The following BFSP1 variants were observed in gnomAD, a reference collection of about 807,000 sequenced individuals.
BFSP1 encodes beaded filament structural protein 1.
BFSP1 carries 38 observed loss-of-function variants against 43.9 expected under a neutral mutation model. The ratio of observed to expected loss-of-function variants is 0.87; its 90% confidence interval spans 0.67 to 1.14. BFSP1 has a LOEUF of 1.14. Among genes scored for constraint, BFSP1 ranks in the 50% most tolerant of loss-of-function variants. The pLI is 0.00. For missense variants in BFSP1, 850 were observed against 875.1 expected, an observed-to-expected ratio of 0.97 and a Z score of 0.36; for synonymous variants, 352 against 354.8, an observed-to-expected ratio of 0.99 and a Z score of 0.09.
In BFSP1 at chr20:17,494,496, C is replaced by T; in HGVS notation, c.1576G>A (p.Val526Met). 1.9e-6 allele frequency: 3 copies of T among 1,614,210 alleles called. No individual in the cohort carries two copies. The highest frequency in any genetic ancestry group is 2.5e-6 in the Non-Finnish European group (3 of 1,180,034). ...SPKPPLENGQ[V>M]GLQEKEDGQP... Reference sequence around the variant, plus strand: ...CCATCTTCTTTCTCCTGCAGACCCACCTGCCCATTCTCTAAAGGGGGCTTG... The same window carrying T: ...CCATCTTCTTTCTCCTGCAGACCCATCTGCCCATTCTCTAAAGGGGGCTTG... Residue 526 changes from valine to methionine, a missense_variant, in exon 8 of 8, where the codon GTG (valine) becomes ATG (methionine). Coordinates refer to ENST00000377873, the MANE Select transcript of BFSP1 (RefSeq NM_001195.5).
At chr20:17,537,711 A>G (rs1313013969) in intron 1 of BFSP1, among the ~76,000 whole-genome samples, 3 of 152,180 alleles carry the variant, frequency 2.0e-5, no homozygotes, top group Non-Finnish European at 2.9e-5. Context: ...AATAAAATCT[A>G]TAAGGGACAT....
intron 1 of BFSP1, among the ~76,000 whole-genome samples, chr20:17,537,581 A>C (rs1013261341): frequency 3.2e-4 from 48 of 151,990 alleles, no homozygotes; most frequent in African/African-American, 1.0e-3. Flanking sequence ...AAAAAAAAAA[A>C]AAAAAAAACA....
chr20:17,534,059 T>C (rs2034591202), upstream of BFSP1, among the ~76,000 whole-genome samples: 1 of 152,102 alleles, frequency 6.6e-6, no homozygotes, highest in Non-Finnish European at 1.5e-5. Context: ...TTAGAAGGAG[T>C]GTGCAATATT....
chr20:17,519,381 C>T (rs1480028688), intron 2 of BFSP1, among the ~76,000 whole-genome samples: 2 of 152,194 alleles, frequency 1.3e-5, no homozygotes, highest in African/African-American at 2.4e-5. Flanking sequence ...CTGCCCTCTT[C>T]CCTCAGAGAC....
intron 6 of BFSP1, among the ~76,000 whole-genome samples, chr20:17,498,087 C>A (rs902845920): frequency 7.2e-5 from 11 of 152,160 alleles, no homozygotes; most frequent in African/African-American, 2.7e-4. Flanking sequence ...GAGCACCCAG[C>A]GCGAAGGGAA....
chr20:17,529,797 C>G (rs1201291323), intron 1 of BFSP1, among the ~76,000 whole-genome samples: 1 of 151,510 alleles, frequency 6.6e-6, no homozygotes, highest in Non-Finnish European at 1.5e-5. Context: ...TGCAGCCATG[C>G]CATTGCACAC....
At chr20:17,567,176 G>C (rs541451707) in intron 1 of BFSP1, among the ~76,000 whole-genome samples, 1 of 152,196 alleles carries the variant, frequency 6.6e-6, no homozygotes, top group Non-Finnish European at 1.5e-5. Context: ...GTTAAATGCA[G>C]AGGCTGAAGT....
intron 4 of BFSP1, 55 bp downstream of exon 4, chr20:17,511,921 T>G: frequency 6.7e-7 from 1 of 1,490,584 alleles, no homozygotes; most frequent in Non-Finnish European, 9.3e-7. Flanking sequence ...CCTGGGAGTC[T>G]CCAGGTACAG....
intron 5 of BFSP1, among the ~76,000 whole-genome samples, chr20:17,506,616 C>A (rs2033944801): frequency 6.6e-6 from 1 of 151,354 alleles, no homozygotes; most frequent in South Asian, 2.1e-4. Flanking sequence ...CTCAACCTCT[C>A]CAGGCTCAGG....
chr20:17,511,463 G>A (rs1269623510), intron 4 of BFSP1, among the ~76,000 whole-genome samples: 1 of 152,220 alleles, frequency 6.6e-6, no homozygotes, highest in Non-Finnish European at 1.5e-5. Flanking sequence ...AGAGGCTTGA[G>A]CAGATACTTC....
chr20:17,566,960 C>G (rs2035126834), intron 1 of BFSP1, among the ~76,000 whole-genome samples: 1 of 152,062 alleles, frequency 6.6e-6, no homozygotes, highest in Non-Finnish European at 1.5e-5. Flanking sequence ...CCTAGGACCT[C>G]TTTTATAAGG....
chr20:17,538,092 G>C (rs2034658991), intron 1 of BFSP1, among the ~76,000 whole-genome samples: 1 of 151,168 alleles, frequency 6.6e-6, no homozygotes, highest in Non-Finnish European at 1.5e-5. Context: ...CTGCACTCCA[G>C]CCTGGGTGAC....
At chr20:17,514,680 C>A in intron 3 of BFSP1, 41 bp downstream of exon 3, 1 of 1,589,010 alleles carries the variant, frequency 6.3e-7, no homozygotes. Context: ...CAAACCCAAA[C>A]TGGGTTTTCT....
chr20:17,514,164 G>C (rs936319072), intron 3 of BFSP1, among the ~76,000 whole-genome samples: 1 of 152,208 alleles, frequency 6.6e-6, no homozygotes, highest in Non-Finnish European at 1.5e-5. Flanking sequence ...AGGAGAGCCT[G>C]CATTTGCATT....
intron 1 of BFSP1, among the ~76,000 whole-genome samples, chr20:17,551,714 G>A (rs1486973925): frequency 3.3e-5 from 5 of 152,188 alleles, no homozygotes; most frequent in South Asian, 2.1e-4. Flanking sequence ...TGGGTGTGAC[G>A]GCTCACACCT....
At chr20:17,499,402 GC>G (rs994146924) in intron 5 of BFSP1, among the ~76,000 whole-genome samples, 8 of 129,686 alleles carry the variant, frequency 6.2e-5, no homozygotes, top group African/African-American at 2.2e-4. Context: ...AACATGCTGG[GC>G]TTTTTTTTTT....
In BFSP1 at chr20:17,557,796, C is replaced by G. The variant is rs756181351; in HGVS notation, c.2+892G>C. ...TCTAAAGAACACTGCTTGTGAGTCACGCTGCTCTGTTAATAAACCTGTTAT... is the reference window on the plus strand; with the variant it reads ...TCTAAAGAACACTGCTTGTGAGTCAGGCTGCTCTGTTAATAAACCTGTTAT... On this transcript the variant is annotated intron_variant, in intron 1 of 7. Transcript: ENST00000377868. 2.1e-3 allele frequency among the ~76,000 whole-genome samples: 324 copies of G among 152,238 alleles called. 1 individual carries two copies. The highest frequency in any genetic ancestry group is 3.6e-3 in the Non-Finnish European group (247 of 68,014).
chr20:17,544,797 C>A (rs2034773885), intron 1 of BFSP1, among the ~76,000 whole-genome samples: 1 of 152,176 alleles, frequency 6.6e-6, no homozygotes, highest in Admixed American at 6.6e-5. Flanking sequence ...CGTAAAACAT[C>A]CCTCTTTTTC....
intron 1 of BFSP1, among the ~76,000 whole-genome samples, chr20:17,555,686 A>G (rs1194712908): frequency 6.6e-6 from 1 of 152,120 alleles, no homozygotes; most frequent in Non-Finnish European, 1.5e-5. Flanking sequence ...ACAAAACAAT[A>G]AGAATTACAG....
Sources: allele counts gnomAD v4.1 joint callset (sites outside exome capture counted in the v4.1 genomes callset), GRCh38; gene constraint gnomAD v4.1.1; transcripts MANE v1.5; gene names NCBI Gene and HGNC (gene_info 2026-07-23, HGNC 2026-07-21).